Variants in MYO16 observed in about 807,000 individuals in gnomAD.
MYO16 encodes the protein unconventional myosin-XVI.
MYO16 carries 94 observed loss-of-function variants against 205.3 expected under a neutral mutation model. That is an observed-to-expected ratio of 0.46 (90% confidence interval 0.39 to 0.54). MYO16 has a LOEUF of 0.54. Ranked by LOEUF, MYO16 falls within the 20% of genes least tolerant of loss-of-function variation. MYO16 has a pLI of 0.00. For synonymous variants in MYO16, 988 were observed against 954.0 expected (o/e 1.04, Z -0.66); for missense variants, 2,315 against 2,387.5 (o/e 0.97, Z 0.63).
the MYO16 span, among the ~76,000 whole-genome samples, chr13:108,541,588 C>T: frequency 6.6e-6 from 1 of 151,856 alleles, no homozygotes; most frequent in Non-Finnish European, 1.5e-5. Context: ...AAACATTTTA[C>T]CATAAAAAGT....
chr13:108,592,919 G>A (rs930701809), upstream of MYO16, among the ~76,000 whole-genome samples: 1 of 151,972 alleles, frequency 6.6e-6, no homozygotes, highest in South Asian at 2.1e-4. Context: ...AAATTTGTAC[G>A]ACATTGTACT....
intron 5 of MYO16, among the ~76,000 whole-genome samples, chr13:108,786,304 A>G (rs1465855961): frequency 6.6e-6 from 1 of 152,234 alleles, no homozygotes; most frequent in Non-Finnish European, 1.5e-5. Context: ...TTCACCGACA[A>G]AGGATGTTTA....
At chr13:108,548,619 T>A in the MYO16 span, among the ~76,000 whole-genome samples, 1 of 151,568 alleles carries the variant, frequency 6.6e-6, no homozygotes, top group African/African-American at 2.4e-5. Context: ...ATGGTGTGGA[T>A]GATGATGATA....
chr13:109,106,940 C>T (rs1313602150), intron 28 of MYO16, among the ~76,000 whole-genome samples: 3 of 152,158 alleles, frequency 2.0e-5, no homozygotes, highest in Non-Finnish European at 4.4e-5. Context: ...AAGTTGAGAT[C>T]TTAACCTTAG....
At chr13:108,970,794 A>G (rs113348565) in intron 20 of MYO16, among the ~76,000 whole-genome samples, 2,412 of 152,212 alleles carry the variant, frequency 0.016, 53 homozygotes, top group African/African-American at 0.055. Context: ...GTCCAGGGCA[A>G]CCCTTCAGAC....
At chr13:108,939,959 G>T (rs750024871) in intron 16 of MYO16, among the ~76,000 whole-genome samples, 8 of 152,118 alleles carry the variant, frequency 5.3e-5, no homozygotes, top group Non-Finnish European at 1.0e-4. Flanking sequence ...TAGGCATGTT[G>T]CAGTATCTCA....
intron 32 of MYO16, among the ~76,000 whole-genome samples, chr13:109,152,211 G>T (rs1877710347): frequency 6.6e-6 from 1 of 152,172 alleles, no homozygotes; most frequent in Non-Finnish European, 1.5e-5. Context: ...AGTCCCCTTA[G>T]ATTTTTAATT....
At chr13:109,134,019 T>C (rs1205846984) in intron 31 of MYO16, among the ~76,000 whole-genome samples, 2 of 152,198 alleles carry the variant, frequency 1.3e-5, no homozygotes, top group Non-Finnish European at 2.9e-5. Context: ...GACCACACTT[T>C]AAGGAACAGT....
chr13:108,903,026 C>T (rs1880783478), intron 15 of MYO16, among the ~76,000 whole-genome samples: 1 of 152,234 alleles, frequency 6.6e-6, no homozygotes, highest in Non-Finnish European at 1.5e-5. Flanking sequence ...GATGTCTCCG[C>T]TACCCACCTG....
Position 108,910,006 on chromosome 13 carries a change from G to T in MYO16, c.1781G>T (p.Arg594Ile). ...TCACTTTTCTTTTCCCAACCAGCCA[G>T]AATTTATACATATTTGCTAGAGAAA... ...CERKQQLTGARIYTYLLEKSR... is the reference protein window; with the variant it reads ...CERKQQLTGAIIYTYLLEKSR... The change falls in exon 16 of 35, where the codon AGA becomes ATA. Residue 594 changes from arginine (R) to isoleucine (I), a missense_variant. Coordinates refer to ENST00000457511, the MANE Select transcript of MYO16 (RefSeq NM_001198950.3). The T allele has an allele frequency of 6.2e-7, 1 of 1,611,982 alleles. No individual in the cohort carries two copies. Among genetic ancestry groups the T allele is most frequent in the South Asian group, 1.1e-5 (1 of 90,758 alleles).
chr13:108,559,215 G>A, the MYO16 span, among the ~76,000 whole-genome samples: 2 of 152,100 alleles, frequency 1.3e-5, no homozygotes, highest in African/African-American at 4.8e-5. Context: ...AGAGAGGGAA[G>A]AGTGTGTGAA....
At chr13:108,915,485 C>G (rs1881458436) in intron 16 of MYO16, among the ~76,000 whole-genome samples, 1 of 152,218 alleles carries the variant, frequency 6.6e-6, no homozygotes, top group South Asian at 2.1e-4. Context: ...CTGCTTCCCC[C>G]TAACCCCCTC....
At chr13:108,847,056 A>G (rs1877560558) in intron 10 of MYO16, among the ~76,000 whole-genome samples, 3 of 152,222 alleles carry the variant, frequency 2.0e-5, no homozygotes, top group Admixed American at 1.3e-4. Flanking sequence ...TCATCAAGGT[A>G]CTGAGATTTC....
At chr13:108,508,702 G>C in the MYO16 span, among the ~76,000 whole-genome samples, 1 of 152,306 alleles carries the variant, frequency 6.6e-6, no homozygotes, top group Admixed American at 6.5e-5. Flanking sequence ...GCTTGGGGTA[G>C]AGGGAGGGAC....
intron 2 of MYO16, among the ~76,000 whole-genome samples, chr13:108,692,546 G>A (rs1041325645): frequency 6.6e-6 from 1 of 152,148 alleles, no homozygotes; most frequent in Non-Finnish European, 1.5e-5. Flanking sequence ...GTAGGCTTTG[G>A]CAGTTTTGTC....
intron 27 of MYO16, among the ~76,000 whole-genome samples, chr13:109,085,471 G>C (rs146583577): frequency 1.3e-5 from 2 of 152,298 alleles, no homozygotes; most frequent in Non-Finnish European, 2.9e-5. Flanking sequence ...AGTGGAATGG[G>C]AGCGAATGAC....
At chr13:108,807,953 C>G (rs1354642698) in intron 7 of MYO16, among the ~76,000 whole-genome samples, 1 of 152,170 alleles carries the variant, frequency 6.6e-6, no homozygotes, top group East Asian at 1.9e-4. Flanking sequence ...TGCAACTGTT[C>G]TATTGTAAAG....
At chr13:108,646,935 A>T (rs1880780664) in intron 1 of MYO16, among the ~76,000 whole-genome samples, 1 of 152,088 alleles carries the variant, frequency 6.6e-6, no homozygotes, top group African/African-American at 2.4e-5. Flanking sequence ...TGCTTGATGG[A>T]CATTTCCTAC....
the MYO16 span, among the ~76,000 whole-genome samples, chr13:108,570,280 G>C: frequency 2.2e-4 from 33 of 150,836 alleles, no homozygotes; most frequent in African/African-American, 8.0e-4. Flanking sequence ...CTTAAATCTT[G>C]TTCTATCACC....
Sources: allele counts gnomAD v4.1 joint callset (sites outside exome capture counted in the v4.1 genomes callset), GRCh38; gene constraint gnomAD v4.1.1; transcripts MANE v1.5; gene names NCBI Gene and HGNC (gene_info 2026-07-23, HGNC 2026-07-21).